STMND1: variants seen among roughly 807,000 people sequenced by gnomAD.
STMND1 encodes stathmin domain-containing protein 1.
Under a neutral mutation model 23.0 loss-of-function variants are expected in STMND1, and 17 were observed. That is an observed-to-expected ratio of 0.74 (90% CI 0.51 to 1.11). The LOEUF is 1.11. Ranked by LOEUF, STMND1 falls within the 50% of genes least tolerant of loss-of-function variation. The pLI, the probability that STMND1 is intolerant of heterozygous loss-of-function variation, is 0.00. For synonymous variants in STMND1, 114 were observed against 119.9 expected (o/e 0.95, Z 0.32); for missense variants, 305 against 329.1 (o/e 0.93, Z 0.57).
At chr6:17,120,064 A>G (rs1183323568) in intron 2 of STMND1, among the ~76,000 whole-genome samples, 1 of 152,214 alleles carries the variant, frequency 6.6e-6, no homozygotes, top group African/African-American at 2.4e-5. Context: ...TCTAACTGCA[A>G]TTCTGATTTG....
In STMND1 at chr6:17,102,179, C is replaced by A. The variant is rs896706988; in HGVS notation, c.-79C>A. On this transcript the variant is annotated 5_prime_UTR_variant, in exon 1 of 5. Transcript: ENST00000536551. Reference sequence around the variant, plus strand: ...GCAGGGCGCAGGAGCGCGGGACCACCGGCGCCGGAGCGCGGCAGGGAGCGC... The same window carrying A: ...GCAGGGCGCAGGAGCGCGGGACCACAGGCGCCGGAGCGCGGCAGGGAGCGC... 1.4e-6 allele frequency: 2 copies of A among 1,383,146 alleles called. No individual in the cohort carries two copies. Among genetic ancestry groups the A allele is most frequent in the Non-Finnish European group, 1.9e-6 (2 of 1,068,720 alleles). The allele number at this position is 1,383,146 out of a possible 1,614,324, so 85.7% of individuals were successfully genotyped here.
rs1374451091 is a variant in STMND1 at position 17,114,984 on chromosome 6, C to T, written c.104C>T (p.Thr35Ile). 6.5e-7 allele frequency: 1 copy of T among 1,531,070 alleles called. No homozygotes were observed. Among genetic ancestry groups the T allele is most frequent in the Non-Finnish European group, 8.7e-7 (1 of 1,145,470 alleles). 94.8% of individuals were successfully genotyped at this position (1,531,070 alleles called of 1,614,324 possible). A position where few individuals can be genotyped will look rare whatever the true frequency, so the allele number is the denominator to read the frequency against. ...CAGGCTGATGTCAGTGTGCCTCATA[C>T]TGGGGAAAATTGCAGCCCCCGGATG... Reference protein sequence around the residue: ...EFKADVSVPHTGENCSPRMEA... With the variant: ...EFKADVSVPHIGENCSPRMEA... The change falls in exon 2 of 5, where the codon ACT becomes ATT. Residue 35 changes from threonine (T) to isoleucine (I), a missense_variant. Coordinates refer to ENST00000536551, the MANE Select transcript of STMND1 (RefSeq NM_001190766.2).
chr6:17,128,518 G>A (rs554411783), intron 3 of STMND1: 2 of 152,228 alleles, frequency 1.3e-5, no homozygotes, highest in Admixed American at 1.3e-4. Context: ...TCATTCTCAA[G>A]ATTTTTTCCT....
intron 3 of STMND1, among the ~76,000 whole-genome samples, chr6:17,126,070 ATTTTTTTTTT>A (rs1189845838): frequency 6.6e-3 from 135 of 20,462 alleles, no homozygotes; most frequent in South Asian, 0.028. Context: ...ATATATATAT[ATTTTTTTTTT>A]TTTTTTTTTT....
At chr6:17,120,892 C>A in intron 3 of STMND1, 134 bp downstream of exon 3, 1 of 755,080 alleles carries the variant, frequency 1.3e-6, no homozygotes, top group Non-Finnish European at 2.0e-6. Context: ...GATTTTTCTC[C>A]CTTAAATTCC....
intron 2 of STMND1, among the ~76,000 whole-genome samples, chr6:17,119,397 G>C (rs11967663): frequency 0.031 from 4,673 of 152,132 alleles, 249 homozygotes; most frequent in African/African-American, 0.11. Context: ...AGGTCTCACT[G>C]CTAACCATTG....
At chr6:17,114,818 TG>T (rs1761136594) in intron 1 of STMND1, 143 bp from the exon 2 acceptor site, 1 of 839,424 alleles carries the variant, frequency 1.2e-6, no homozygotes. Flanking sequence ...CCCAGGGGGT[TG>T]GGGACCCCGA....
chr6:17,114,217 A>G (rs1330348708), intron 1 of STMND1, among the ~76,000 whole-genome samples: 1 of 151,770 alleles, frequency 6.6e-6, no homozygotes, highest in African/African-American at 2.4e-5. Flanking sequence ...AGACAATCCT[A>G]TCTAGGGGTG....
intron 1 of STMND1, among the ~76,000 whole-genome samples, chr6:17,107,372 G>A (rs1407083498): frequency 6.6e-6 from 1 of 151,968 alleles, no homozygotes; most frequent in Non-Finnish European, 1.5e-5. Context: ...ATAGCTGTTA[G>A]CTTATAATTC....
intron 2 of STMND1, among the ~76,000 whole-genome samples, chr6:17,118,463 C>T (rs1184368384): frequency 6.6e-6 from 1 of 151,914 alleles, no homozygotes; most frequent in African/African-American, 2.4e-5. Context: ...AAAAGAAGCA[C>T]AACATGGTTT....
In STMND1 at chr6:17,120,603, G is replaced by T; in HGVS notation, c.260-4G>T. On this transcript the variant is annotated splice_polypyrimidine_tract_variant and splice_region_variant and intron_variant, in intron 2 of 4. Transcript: ENST00000536551. ...TTCTTTTTTCTTTTCTTCTTTTTTG[G>T]AAGACCTAGTGACCAATGGATTAAT... The T allele has an allele frequency of 1.4e-6, 2 of 1,455,196 alleles. No homozygotes were observed. The highest frequency in any genetic ancestry group is 1.8e-6 in the Non-Finnish European group (2 of 1,109,112). 90.1% of individuals were successfully genotyped at this position (1,455,196 alleles called of 1,614,324 possible). A position where few individuals can be genotyped will look rare whatever the true frequency, so the allele number is the denominator to read the frequency against.
intron 1 of STMND1, among the ~76,000 whole-genome samples, chr6:17,106,941 A>T (rs1761033034): frequency 6.6e-6 from 1 of 152,224 alleles, no homozygotes; most frequent in Non-Finnish European, 1.5e-5. Flanking sequence ...TTCTATGAGA[A>T]TAACTCAAAA....
intron 1 of STMND1, chr6:17,110,410 C>T (rs1004509756): frequency 5.9e-6 from 1 of 168,888 alleles, no homozygotes; most frequent in Admixed American, 5.8e-5. Flanking sequence ...AGGGCAGAGT[C>T]CTGAGGCCCT....
chr6:17,113,225 ATAGATAGG>A (rs1332555158), intron 1 of STMND1, among the ~76,000 whole-genome samples: 2 of 152,222 alleles, frequency 1.3e-5, no homozygotes, highest in African/African-American at 4.8e-5. Flanking sequence ...AGACAGATGG[ATAGATAGG>A]TAGATAGGTA....
In STMND1 at chr6:17,114,968, G is replaced by A. The variant is rs1761138178; in HGVS notation, c.88G>A (p.Val30Ile). Reference sequence around the variant, plus strand: ...AACTGTTCCCTTTTCACAGGCTGATGTCAGTGTGCCTCATACTGGGGAAAA... The same window carrying A: ...AACTGTTCCCTTTTCACAGGCTGATATCAGTGTGCCTCATACTGGGGAAAA... ...KGWKEEFKAD[V>I]SVPHTGENCS... is the part of the protein sequence containing the mutation. Residue 30 changes from valine to isoleucine, a missense_variant, in exon 2 of 5, where the codon GTC (valine) becomes ATC (isoleucine). Transcript: ENST00000536551. 2 of 1,514,846 alleles carry A rather than the reference G, an allele frequency of 1.3e-6. No homozygotes were observed. 93.8% of individuals were successfully genotyped at this position (1,514,846 alleles called of 1,614,324 possible). A position where few individuals can be genotyped will look rare whatever the true frequency, so the allele number is the denominator to read the frequency against.
At position 17,114,921 on chromosome 6, in the gene STMND1, C is replaced by G. The variant is rs182200571; in HGVS notation, c.82-41C>G. On this transcript the variant is annotated intron_variant, in intron 1 of 4. Transcript: ENST00000536551. ...ACCCTGCAACATTGTTTTTATTTAC[C>G]AAGAAATCTTGACTCTAACAAAACT... The G allele has an allele frequency of 7.9e-5, 117 of 1,474,972 alleles. No individual in the cohort carries two copies. In the African/African-American group the frequency reaches 1.6e-3, roughly 20 times the overall value. The allele number at this position is 1,474,972 out of a possible 1,614,324, so 91.4% of individuals were successfully genotyped here. A position where few individuals can be genotyped will look rare whatever the true frequency, so the allele number is the denominator to read the frequency against.
In STMND1 at chr6:17,126,067, TATA is replaced by T. The variant is rs1331301222; in HGVS notation, c.412-3044_412-3042del. 5.1e-3 allele frequency among the ~76,000 whole-genome samples: 135 copies of T among 26,598 alleles called. 1 individual carries two copies. Among genetic ancestry groups the T allele is most frequent in the Non-Finnish European group, 6.1e-3 (92 of 14,976 alleles). 17.4% of individuals were successfully genotyped at this position (26,598 alleles called of 152,430 possible). ...ATATATATATATATATATATATATA[TATA>T]TTTTTTTTTTTTTTTTTTTTTTTTT... On this transcript the variant is annotated intron_variant, in intron 3 of 4. Transcript: ENST00000536551.
intron 1 of STMND1, among the ~76,000 whole-genome samples, chr6:17,105,647 C>CA (rs765711091): frequency 1.4e-5 from 2 of 145,026 alleles, no homozygotes; most frequent in Non-Finnish European, 3.0e-5. Flanking sequence ...AACCCTGTCT[C>CA]AAAAAATAAA....
intron 1 of STMND1, 59 bp downstream of exon 1, chr6:17,102,397 G>A: frequency 6.5e-7 from 1 of 1,528,172 alleles, no homozygotes; most frequent in South Asian, 1.2e-5. Flanking sequence ...TGCCTGGGAG[G>A]TCTCGCGATT....
Sources: gnomAD v4.1 joint callset for allele counts (sites outside exome capture counted in the v4.1 genomes callset) on GRCh38, gnomAD v4.1.1 for gene constraint, MANE v1.5 for transcripts, NCBI Gene and HGNC (gene_info 2026-07-23, HGNC 2026-07-21) for gene names.